The following C12orf42 variants were observed in gnomAD, a reference collection of about 807,000 sequenced individuals.
C12orf42 encodes the protein uncharacterized protein C12orf42.
In C12orf42, 25 loss-of-function variants were observed where a neutral mutation model predicts 21.6. That is an observed-to-expected ratio of 1.16 (90% CI 0.84 to 1.62). The LOEUF (loss-of-function observed/expected upper bound fraction) is 1.62. C12orf42 is among the 40% of genes most tolerant of loss of function. The probability of loss-of-function intolerance (pLI) is 0.00; values close to 1 mark genes in which losing one functional copy is unlikely to be tolerated. For synonymous variants in C12orf42, 174 were observed against 175.0 expected (o/e 0.99, Z 0.05); for missense variants, 483 against 459.3 (o/e 1.05, Z -0.47).
At chr12:103,435,589 A>G (rs962822320) in intron 2 of C12orf42, among the ~76,000 whole-genome samples, 3 of 152,214 alleles carry the variant, frequency 2.0e-5, no homozygotes, top group African/African-American at 7.2e-5. Flanking sequence ...AAGGCTCGAG[A>G]ACTACATGAA....
chr12:103,144,726 A>T, the C12orf42 span, among the ~76,000 whole-genome samples: 3 of 152,172 alleles, frequency 2.0e-5, no homozygotes, highest in African/African-American at 4.8e-5. Context: ...AACTTAAAAC[A>T]ATCACATCAT....
At chr12:103,431,823 G>A (rs746336581) in intron 2 of C12orf42, among the ~76,000 whole-genome samples, 2 of 152,196 alleles carry the variant, frequency 1.3e-5, no homozygotes, top group Non-Finnish European at 2.9e-5. Flanking sequence ...AATCTGTACA[G>A]GTCTGCAGCA....
chr12:103,214,025 T>A, the C12orf42 span, among the ~76,000 whole-genome samples: 737 of 152,346 alleles, frequency 4.8e-3, 3 homozygotes, highest in Non-Finnish European at 7.7e-3. Context: ...ATGACAATGA[T>A]CACTAATGCT....
intron 2 of C12orf42, among the ~76,000 whole-genome samples, chr12:103,421,249 A>C (rs2049875523): frequency 6.6e-6 from 1 of 152,164 alleles, no homozygotes. Context: ...AGGCAAAGAG[A>C]AAAGTAAAAC....
chr12:103,512,926 C>T, the C12orf42 span, among the ~76,000 whole-genome samples: 2 of 151,448 alleles, frequency 1.3e-5, no homozygotes, highest in Admixed American at 6.6e-5. Flanking sequence ...CACTGGAACC[C>T]GGGAGGCAGA....
chr12:103,225,987 G>C, the C12orf42 span, among the ~76,000 whole-genome samples: 1 of 152,242 alleles, frequency 6.6e-6, no homozygotes, highest in Non-Finnish European at 1.5e-5. Context: ...CAGTCAGAGA[G>C]CCTTGGGACA....
the C12orf42 span, among the ~76,000 whole-genome samples, chr12:103,554,260 A>G: frequency 6.6e-6 from 1 of 152,292 alleles, no homozygotes; most frequent in South Asian, 2.1e-4. Flanking sequence ...CATTTGGCCA[A>G]TATAAATATA....
chr12:103,177,339 T>G, the C12orf42 span, among the ~76,000 whole-genome samples: 1 of 152,146 alleles, frequency 6.6e-6, no homozygotes, highest in African/African-American at 2.4e-5. Context: ...CTCCACAATC[T>G]AAACTATGTA....
downstream of C12orf42, among the ~76,000 whole-genome samples, chr12:103,265,417 T>G (rs550779759): frequency 3.8e-4 from 58 of 152,326 alleles, no homozygotes; most frequent in African/African-American, 1.3e-3. Flanking sequence ...ACGGAAATTA[T>G]AGAAAACTGC....
At chr12:103,120,207 G>A in the C12orf42 span, among the ~76,000 whole-genome samples, 1 of 152,288 alleles carries the variant, frequency 6.6e-6, no homozygotes, top group South Asian at 2.1e-4. Context: ...GGACAGATAA[G>A]GAGTGTTTTG....
intron 2 of C12orf42, among the ~76,000 whole-genome samples, chr12:103,439,781 G>C (rs1951052201): frequency 6.6e-6 from 1 of 151,556 alleles, no homozygotes; most frequent in African/African-American, 2.4e-5. Context: ...AGGATGTGGA[G>C]AAATAGGAAC....
chr12:103,494,993 TG>T (rs1955424472), intron 1 of C12orf42, among the ~76,000 whole-genome samples: 1 of 151,730 alleles, frequency 6.6e-6, no homozygotes, highest in South Asian at 2.1e-4. Context: ...GTTGGGGGGA[TG>T]TGAGATAAAT....
At chr12:103,377,538 G>T (rs190565625) in intron 3 of C12orf42, among the ~76,000 whole-genome samples, 3 of 152,050 alleles carry the variant, frequency 2.0e-5, no homozygotes, top group African/African-American at 7.2e-5. Flanking sequence ...GAAAGGGCCC[G>T]AGTGTCCCAC....
the C12orf42 span, among the ~76,000 whole-genome samples, chr12:103,105,537 A>G: frequency 6.6e-6 from 1 of 152,286 alleles, no homozygotes; most frequent in South Asian, 2.1e-4. Flanking sequence ...TACACCTACC[A>G]AGTACTATGC....
chr12:103,306,007 C>T lies in C12orf42; in HGVS notation c.598G>A (p.Gly200Ser), dbSNP rs753726249. 17 of 1,612,076 alleles carry T rather than the reference C, an allele frequency of 1.1e-5. No homozygotes were observed. The South Asian group carries it at 1.8e-4, about 17-fold the overall frequency. The change falls in exon 5 of 6, where the codon GGC (glycine) becomes AGC (serine). Residue 200 changes from glycine to serine, a missense_variant. Transcript: ENST00000548883. ...TTCTTGGGACTGCTCAAGGGCTGGC[C>T]CTTAGGTCTTGTGTGTCTACTGATG... The part of the protein sequence containing the change: ...IHISRHTRPK[G>S]QPLSSPKKNS...
chr12:103,288,984 G>C (rs554931551), intron 4 of C12orf42, among the ~76,000 whole-genome samples: 1 of 152,220 alleles, frequency 6.6e-6, no homozygotes, highest in East Asian at 1.9e-4. Context: ...GGTTCGGTCT[G>C]TTGTTTTTAG....
the C12orf42 span, among the ~76,000 whole-genome samples, chr12:103,048,159 G>A: frequency 5.9e-5 from 9 of 151,928 alleles, no homozygotes; most frequent in East Asian, 1.9e-4. Flanking sequence ...AGATGAGGCC[G>A]TGAGAATGGA....
At chr12:103,149,408 A>G in the C12orf42 span, among the ~76,000 whole-genome samples, 1 of 152,204 alleles carries the variant, frequency 6.6e-6, no homozygotes, top group Non-Finnish European at 1.5e-5. Flanking sequence ...TTTCTGATAA[A>G]CAATGATTTT....
chr12:103,365,686 C>T (rs766926023), intron 4 of C12orf42, among the ~76,000 whole-genome samples: 8 of 151,812 alleles, frequency 5.3e-5, no homozygotes, highest in Non-Finnish European at 1.0e-4. Flanking sequence ...CCAATAGTGA[C>T]CAAGCTAAGA....
Sources: gnomAD v4.1 joint callset for allele counts (sites outside exome capture counted in the v4.1 genomes callset) on GRCh38, gnomAD v4.1.1 for gene constraint, MANE v1.5 for transcripts, NCBI Gene and HGNC (gene_info 2026-07-23, HGNC 2026-07-21) for gene names.